DDX46: variants seen among roughly 807,000 people sequenced by gnomAD.
DDX46 encodes the protein probable ATP-dependent RNA helicase DDX46.
In DDX46, 30 loss-of-function variants were observed where a neutral mutation model predicts 134.9. The ratio of observed to expected loss-of-function variants is 0.22; its 90% CI spans 0.17 to 0.30. The LOEUF is 0.30. DDX46 is among the 10% of genes least tolerant of loss of function. The pLI is 1.00. For synonymous variants in DDX46, 415 were observed against 404.1 expected (o/e 1.03, Z -0.32); for missense variants, 622 against 1,248.7 (o/e 0.50, Z 7.56).
intron 6 of DDX46, among the ~76,000 whole-genome samples, chr5:134,778,585 T>A (rs974040354): frequency 5.9e-5 from 9 of 152,212 alleles, no homozygotes; most frequent in South Asian, 4.1e-4. Flanking sequence ...TTATTTATTT[T>A]TTTTCTGAGA....
intron 14 of DDX46, 60 bp downstream of exon 14, chr5:134,795,074 C>A: frequency 6.3e-7 from 1 of 1,575,872 alleles, no homozygotes; most frequent in South Asian, 1.2e-5. Flanking sequence ...ATGTATGATT[C>A]TTCTATGATC....
intron 18 of DDX46, among the ~76,000 whole-genome samples, chr5:134,814,855 A>G (rs1016041849): frequency 6.6e-6 from 1 of 152,196 alleles, no homozygotes; most frequent in Admixed American, 6.5e-5. Flanking sequence ...GGCTCAAGTA[A>G]TCCTCCTGCC....
At position 134,781,797 on chromosome 5, in the gene DDX46, C is replaced by T. The variant is rs13172125; in HGVS notation, c.880-124C>T. The T allele has an allele frequency of 6.2e-3, 5,705 of 920,684 alleles. 23 individuals are homozygous for T. Among genetic ancestry groups the T allele is most frequent in the Non-Finnish European group, 8.1e-3 (4,992 of 615,710 alleles). 57.0% of individuals were successfully genotyped at this position (920,684 alleles called of 1,614,324 possible). On this transcript the variant is annotated intron_variant, in intron 7 of 22. Transcript: ENST00000452510. Reference sequence around the variant, plus strand: ...AAATCTTGTGGGTCAAACAGTGTGTCGTAGAAAGTAAAATATTAGAGTAGT... The same window carrying T: ...AAATCTTGTGGGTCAAACAGTGTGTTGTAGAAAGTAAAATATTAGAGTAGT...
chr5:134,813,808 A>C (rs1309048510), intron 18 of DDX46, among the ~76,000 whole-genome samples: 1 of 149,664 alleles, frequency 6.7e-6, no homozygotes, highest in Non-Finnish European at 1.5e-5. Flanking sequence ...TTTTTTTTTT[A>C]GAGTCGAGGT....
intron 15 of DDX46, among the ~76,000 whole-genome samples, chr5:134,799,698 A>G (rs1311326306): frequency 1.3e-5 from 2 of 149,822 alleles, no homozygotes; most frequent in African/African-American, 2.5e-5. Flanking sequence ...AGATTGCACC[A>G]TTGCACTCTG....
intron 15 of DDX46, among the ~76,000 whole-genome samples, chr5:134,799,969 A>G (rs1464948704): frequency 2.0e-5 from 3 of 151,998 alleles, no homozygotes; most frequent in African/African-American, 7.2e-5. Flanking sequence ...CTTTTTTTAG[A>G]TGGAATGTCG....
chr5:134,796,573 C>G (rs1754658340), intron 15 of DDX46, among the ~76,000 whole-genome samples: 1 of 152,192 alleles, frequency 6.6e-6, no homozygotes, highest in Non-Finnish European at 1.5e-5. Flanking sequence ...AAAACACAGA[C>G]CGGGCATGGT....
At chr5:134,809,906 G>A (rs1209776230) in intron 16 of DDX46, among the ~76,000 whole-genome samples, 2 of 152,044 alleles carry the variant, frequency 1.3e-5, no homozygotes, top group African/African-American at 4.8e-5. Flanking sequence ...CGAGCTACTC[G>A]GGAGGCTGAG....
intron 10 of DDX46, 132 bp from the exon 11 acceptor site, chr5:134,785,333 T>G: frequency 9.0e-7 from 1 of 1,115,878 alleles, no homozygotes; most frequent in Non-Finnish European, 1.2e-6. Context: ...TTGAAATAGT[T>G]TTCAGGGATG....
At chr5:134,816,854 C>T in intron 19 of DDX46, 1 of 428,070 alleles carries the variant, frequency 2.3e-6, no homozygotes, top group South Asian at 3.0e-5. Flanking sequence ...GGGTAGTATT[C>T]TGATGAGTCT....
At chr5:134,817,844 A>G (rs2150159258) in intron 20 of DDX46, 130 bp downstream of exon 20, 4 of 761,226 alleles carry the variant, frequency 5.3e-6, no homozygotes, top group Non-Finnish European at 8.4e-6. Context: ...GGATATAACA[A>G]TAGAAATTTG....
intron 10 of DDX46, chr5:134,784,767 C>A: frequency 3.5e-6 from 1 of 283,988 alleles, no homozygotes. Context: ...CCTCTCCTGG[C>A]ACAGCTCAGT....
chr5:134,782,538 TCTCA>T, intron 8 of DDX46, among the ~76,000 whole-genome samples: 1 of 151,464 alleles, frequency 6.6e-6, no homozygotes, highest in Admixed American at 6.6e-5. Context: ...TGAGACAGGG[TCTCA>T]CTCCATTGCC....
chr5:134,779,316 C>T (rs1277817068), intron 6 of DDX46, among the ~76,000 whole-genome samples: 1 of 152,020 alleles, frequency 6.6e-6, no homozygotes, highest in Non-Finnish European at 1.5e-5. Context: ...ACCTCAGCCT[C>T]CCGAGTAGCT....
chr5:134,797,554 A>G (rs1261312677), intron 15 of DDX46, among the ~76,000 whole-genome samples: 1 of 152,182 alleles, frequency 6.6e-6, no homozygotes, highest in East Asian at 1.9e-4. Context: ...CCAGCCAGTT[A>G]AGGATGATAC....
intron 5 of DDX46, among the ~76,000 whole-genome samples, chr5:134,775,828 C>A (rs745772725): frequency 3.0e-4 from 45 of 152,118 alleles, no homozygotes; most frequent in Non-Finnish European, 1.5e-4. Context: ...ACAATCTAAT[C>A]TTTTTTACAT....
At position 134,802,159 on chromosome 5, in the gene DDX46, CTT is replaced by C. The variant is rs542615882; in HGVS notation, c.1955-5568_1955-5567del. On this transcript the variant is annotated intron_variant, in intron 15 of 22. Coordinates refer to ENST00000452510, the MANE Select transcript of DDX46 (RefSeq NM_001300860.2). ...GTAGATCAAATTGGATAATTTCTTT[CTT>C]TTTTTTTTTTTTTTTTTTTTGAGAT... 6.9e-3 allele frequency among the ~76,000 whole-genome samples: 503 copies of C among 73,284 alleles called. 3 individuals carry two copies. The highest frequency in any genetic ancestry group is 0.026 in the African/African-American group (441 of 16,674). The allele number at this position is 73,284 out of a possible 152,430, so 48.1% of individuals were successfully genotyped here.
At chr5:134,797,444 G>A (rs1754700419) in intron 15 of DDX46, among the ~76,000 whole-genome samples, 1 of 152,192 alleles carries the variant, frequency 6.6e-6, no homozygotes, top group African/African-American at 2.4e-5. Context: ...TGGCAAATTG[G>A]TACTGGCTCT....
At chr5:134,770,826 A>G in intron 3 of DDX46, 77 bp from the exon 4 acceptor site, 2 of 1,365,204 alleles carry the variant, frequency 1.5e-6, no homozygotes, top group Non-Finnish European at 2.0e-6. Flanking sequence ...CAAAAAAAAA[A>G]AAAAAAGTAT....
Sources: gnomAD v4.1 joint callset for allele counts (sites outside exome capture counted in the v4.1 genomes callset) on GRCh38, gnomAD v4.1.1 for gene constraint, MANE v1.5 for transcripts, NCBI Gene and HGNC (gene_info 2026-07-23, HGNC 2026-07-21) for gene names.